Variants in SLC5A4 observed in about 807,000 individuals in gnomAD.
SLC5A4 encodes probable glucose sensor protein SLC5A4.
In SLC5A4, 55 loss-of-function variants were observed where a neutral mutation model predicts 70.3. That is an observed-to-expected ratio of 0.78 (90% CI 0.63 to 0.98). The LOEUF is 0.98. Ranked by LOEUF, SLC5A4 falls within the 50% of genes least tolerant of loss-of-function variation. SLC5A4 has a pLI of 0.00. For synonymous variants in SLC5A4, 268 were observed against 305.7 expected (o/e 0.88, Z 1.29); for missense variants, 735 against 839.2 (o/e 0.88, Z 1.53).
At position 32,224,360 on chromosome 22, in the gene SLC5A4, C is replaced by T. The variant is rs745347840; in HGVS notation, c.1572G>A (p.Val524=). The T allele has an allele frequency of 2.5e-6, 4 of 1,613,996 alleles. No homozygotes were observed. Among genetic ancestry groups the T allele is most frequent in the Admixed American group, 3.3e-5 (2 of 60,032 alleles). ...PSNCPKIICG[V]HYLYFSIVLF... is the part of the protein sequence containing the mutation. ...GAACGATGGAAAAGTACAGATAGTG[C>T]ACTCCACAGATAATCTTGGGACAGT... The change falls in exon 13 of 15, where the codon GTG becomes GTA. Residue 524 remains valine, a synonymous_variant. Transcript: ENST00000266086.
the SLC5A4 span, among the ~76,000 whole-genome samples, chr22:32,316,698 T>A: frequency 4.2e-5 from 2 of 47,512 alleles, no homozygotes; most frequent in Admixed American, 4.5e-4. Context: ...CTCGGCTAAT[T>A]TTTTTTTTTT....
the SLC5A4 span, among the ~76,000 whole-genome samples, chr22:32,326,399 G>A: frequency 6.6e-6 from 1 of 151,854 alleles, no homozygotes; most frequent in African/African-American, 2.4e-5. Flanking sequence ...AGGGATTACA[G>A]GCACCCAACA....
the SLC5A4 span, among the ~76,000 whole-genome samples, chr22:32,304,490 G>T: frequency 6.6e-6 from 1 of 151,938 alleles, no homozygotes; most frequent in Non-Finnish European, 1.5e-5. Flanking sequence ...TAGCTACCAG[G>T]CTGATCTCGA....
At chr22:32,342,077 A>G in the SLC5A4 span, among the ~76,000 whole-genome samples, 1 of 152,248 alleles carries the variant, frequency 6.6e-6, no homozygotes, top group African/African-American at 2.4e-5. Flanking sequence ...CTGGTATATG[A>G]TACAAACTCA....
Position 32,236,705 on chromosome 22 carries a change from A to ATT in SLC5A4, c.664+537_664+538dup, listed in dbSNP as rs551794690. ...AATGAGATAACTTATCTAAGCAGTA[A>ATT]TTTTTTTTTTTTTTTTTGAGATGGA... is the stretch of plus-strand genomic sequence containing the variant. On this transcript the variant is annotated intron_variant, in intron 7 of 14. Coordinates refer to ENST00000266086, the MANE Select transcript of SLC5A4 (RefSeq NM_014227.3). Among the ~76,000 whole-genome samples, 332 of 142,896 alleles carry ATT rather than the reference A, an allele frequency of 2.3e-3. 5 individuals are homozygous for ATT. The highest frequency in any genetic ancestry group is 8.1e-3 in the African/African-American group (315 of 38,904). The allele number at this position is 142,896 out of a possible 152,430, so 93.7% of individuals were successfully genotyped here. A position where few individuals can be genotyped will look rare whatever the true frequency, so the allele number is the denominator to read the frequency against.
the SLC5A4 span, among the ~76,000 whole-genome samples, chr22:32,318,618 C>T: frequency 6.6e-6 from 1 of 152,212 alleles, no homozygotes; most frequent in Non-Finnish European, 1.5e-5. Context: ...CTGCCTCCAC[C>T]ACTCCTACTG....
chr22:32,316,237 AATGTT>A, the SLC5A4 span, among the ~76,000 whole-genome samples: 2 of 151,996 alleles, frequency 1.3e-5, no homozygotes, highest in Non-Finnish European at 2.9e-5. Context: ...TAAAATGGTA[AATGTT>A]ATGTGCATTT....
the SLC5A4 span, chr22:32,272,448 C>G: frequency 8.8e-5 from 73 of 827,886 alleles, no homozygotes; most frequent in Middle Eastern, 6.7e-4. Flanking sequence ...ACCAGATGAT[C>G]AGCGTCAGGA....
chr22:32,309,680 CGA>C, the SLC5A4 span, among the ~76,000 whole-genome samples: 6 of 152,216 alleles, frequency 3.9e-5, no homozygotes, highest in South Asian at 2.1e-4. Context: ...CTTTCCACAC[CGA>C]GTGTTCACAC....
chr22:32,301,206 C>G, the SLC5A4 span, among the ~76,000 whole-genome samples: 1 of 152,196 alleles, frequency 6.6e-6, no homozygotes. Flanking sequence ...CATGATCCAG[C>G]CACCTCGGCC....
At chr22:32,219,126 A>G (rs12167742) in intron 14 of SLC5A4, among the ~76,000 whole-genome samples, 25,005 of 152,188 alleles carry the variant, frequency 0.16, 2,431 homozygotes, top group African/African-American at 0.25. Flanking sequence ...AGAAATGTAA[A>G]CTAAACCTAT....
At chr22:32,348,206 C>T in the SLC5A4 span, among the ~76,000 whole-genome samples, 6 of 152,234 alleles carry the variant, frequency 3.9e-5, no homozygotes, top group East Asian at 5.8e-4. Context: ...CCCAGGACTT[C>T]GCTCTGTGCC....
chr22:32,272,059 C>T, the SLC5A4 span: 1 of 643,816 alleles, frequency 1.6e-6, no homozygotes, highest in Non-Finnish European at 2.8e-6. Context: ...GAGGCTATTC[C>T]CAATGCCAGG....
the SLC5A4 span, among the ~76,000 whole-genome samples, chr22:32,264,900 A>G: frequency 6.6e-6 from 1 of 152,174 alleles, no homozygotes; most frequent in Admixed American, 6.5e-5. Context: ...TATACCTCAA[A>G]TATAGTCACT....
intron 11 of SLC5A4, among the ~76,000 whole-genome samples, chr22:32,226,636 A>G (rs772670062): frequency 3.3e-5 from 5 of 152,240 alleles, no homozygotes; most frequent in Non-Finnish European, 7.3e-5. Flanking sequence ...CATAATGCCT[A>G]AACCACAGTA....
chr22:32,316,422 A>G, the SLC5A4 span, among the ~76,000 whole-genome samples: 1 of 152,224 alleles, frequency 6.6e-6, no homozygotes, highest in African/African-American at 2.4e-5. Flanking sequence ...GTCACCATGA[A>G]GATCTAACAG....
At chr22:32,354,917 A>C in the SLC5A4 span, 1 of 152,446 alleles carries the variant, frequency 6.6e-6, no homozygotes, top group Admixed American at 6.5e-5. Context: ...GGCAGGCTCC[A>C]GCCTCCACTG....
At chr22:32,306,639 A>G in the SLC5A4 span, among the ~76,000 whole-genome samples, 1 of 152,110 alleles carries the variant, frequency 6.6e-6, no homozygotes, top group African/African-American at 2.4e-5. Flanking sequence ...ACAGGAGAGA[A>G]AATATTTCCA....
rs200019237 is a variant in SLC5A4, at chr22:32,225,743, T to C, written c.1361A>G (p.His454Arg). 8.7e-6 allele frequency: 14 copies of C among 1,612,562 alleles called. No individual in the cohort carries two copies. In the East Asian group the frequency reaches 1.6e-4, roughly 18 times the overall value. The change falls in exon 12 of 15, where the codon CAT becomes CGT. Residue 454 changes from histidine (H) to arginine (R), a missense_variant. By Grantham distance (29) the His-to-Arg change is conservative. Coordinates refer to ENST00000266086, the MANE Select transcript of SLC5A4 (RefSeq NM_014227.3). ...GTAGCTAGAAATTGATTCTGTGTAA[T>C]GGATTAGTTGTCCATTTTGAGAAAC... ...VQVSQNGQLIHYTESISSYLG... is the reference protein window; with the variant it reads ...VQVSQNGQLIRYTESISSYLG...
Sources: allele counts gnomAD v4.1 joint callset (sites outside exome capture counted in the v4.1 genomes callset), GRCh38; gene constraint gnomAD v4.1.1; transcripts MANE v1.5; gene names NCBI Gene and HGNC (gene_info 2026-07-23, HGNC 2026-07-21).